The following MACROD2 variants were observed in gnomAD, a reference collection of about 807,000 sequenced individuals.
MACROD2 encodes the protein ADP-ribose glycohydrolase MACROD2.
In MACROD2, 36 loss-of-function variants were observed where a neutral mutation model predicts 70.4. That is an observed-to-expected ratio of 0.51 (90% CI 0.39 to 0.68). The LOEUF is 0.68. MACROD2 is among the 30% of genes least tolerant of loss of function. MACROD2 has a pLI of 0.00. For missense variants in MACROD2, 496 were observed against 538.4 expected, an observed-to-expected ratio of 0.92 and a Z score of 0.78; for synonymous variants, 172 against 178.8, an observed-to-expected ratio of 0.96 and a Z score of 0.30.
chr20:14,760,878 G>A (rs189521522), intron 5 of MACROD2, among the ~76,000 whole-genome samples: 26 of 152,120 alleles, frequency 1.7e-4, no homozygotes, highest in African/African-American at 5.3e-4. Context: ...ATTCGTCAAC[G>A]TTACTGAAAC....
At chr20:15,632,777 T>C (rs111547184) in intron 8 of MACROD2, among the ~76,000 whole-genome samples, 4,612 of 152,168 alleles carry the variant, frequency 0.03, 236 homozygotes, top group African/African-American at 0.1. Context: ...CTGCCTACTT[T>C]CCGTTCTCCT....
intron 8 of MACROD2, among the ~76,000 whole-genome samples, chr20:15,698,544 A>T (rs1003548745): frequency 6.6e-6 from 1 of 152,130 alleles, no homozygotes; most frequent in Non-Finnish European, 1.5e-5. Context: ...CCTGATGACA[A>T]TGTGCCTAGG....
chr20:14,927,840 A>G lies in MACROD2; in HGVS notation c.418+242881A>G, dbSNP rs185785708. On this transcript the variant is annotated intron_variant, in intron 5 of 17. Coordinates refer to ENST00000684519, the MANE Select transcript of MACROD2 (RefSeq NM_001351661.2). ...AAGCTTATTACTATATGTAAAAAAC[A>G]ACAACGACAAAAACTATTGCTTTTT... 2.1e-3 allele frequency among the ~76,000 whole-genome samples: 326 copies of G among 152,328 alleles called. 13 individuals are homozygous for G. Among genetic ancestry groups the G allele is most frequent in the Admixed American group, 0.02 (313 of 15,296 alleles).
Position 14,239,284 on chromosome 20 carries a change from C to T in MACROD2, c.271+153556C>T, listed in dbSNP as rs116453133. Among the ~76,000 whole-genome samples the T allele has an allele frequency of 7.3e-3, 1,109 of 152,242 alleles. 15 individuals are homozygous for T. Among genetic ancestry groups the T allele is most frequent in the African/African-American group, 0.025 (1,022 of 41,556 alleles). ...GGATAGGAAGAATCAATATTGTTAACATGGCTGTACTGCCCAAAGCAATTT... is the reference window on the plus strand; with the variant it reads ...GGATAGGAAGAATCAATATTGTTAATATGGCTGTACTGCCCAAAGCAATTT... On this transcript the variant is annotated intron_variant, in intron 3 of 17. Transcript: ENST00000684519.
chr20:15,978,254 C>T (rs986913690), intron 13 of MACROD2, among the ~76,000 whole-genome samples: 6 of 152,134 alleles, frequency 3.9e-5, no homozygotes, highest in African/African-American at 7.2e-5. Context: ...TCCCCAAAAA[C>T]AATGCAGCTG....
intron 5 of MACROD2, among the ~76,000 whole-genome samples, chr20:14,726,313 T>G (rs890953325): frequency 6.6e-6 from 1 of 152,180 alleles, no homozygotes; most frequent in Non-Finnish European, 1.5e-5. Context: ...TACCATACAG[T>G]ACCTTGAAAT....
intron 3 of MACROD2, among the ~76,000 whole-genome samples, chr20:14,455,697 C>G (rs1340632203): frequency 6.6e-6 from 1 of 151,572 alleles, no homozygotes; most frequent in African/African-American, 2.4e-5. Flanking sequence ...GTCTATGAAC[C>G]AACATCATTA....
chr20:14,069,175 G>A (rs2053806962), intron 2 of MACROD2, among the ~76,000 whole-genome samples: 1 of 152,236 alleles, frequency 6.6e-6, no homozygotes, highest in African/African-American at 2.4e-5. Context: ...TCAAACTCCT[G>A]ACTTCAAGTG....
chr20:16,017,402 A>T (rs1002709683), intron 15 of MACROD2, among the ~76,000 whole-genome samples: 1 of 152,198 alleles, frequency 6.6e-6, no homozygotes, highest in African/African-American at 2.4e-5. Context: ...GATTGATTGA[A>T]CCATACTTAC....
At chr20:15,484,271 A>G (rs1199971824) in intron 7 of MACROD2, among the ~76,000 whole-genome samples, 3 of 151,900 alleles carry the variant, frequency 2.0e-5, no homozygotes, top group Admixed American at 1.3e-4. Context: ...TACGTAGAAG[A>G]AAAAAAAGAA....
chr20:15,558,624 C>A (rs2048200377), intron 8 of MACROD2, among the ~76,000 whole-genome samples: 1 of 152,114 alleles, frequency 6.6e-6, no homozygotes, highest in African/African-American at 2.4e-5. Flanking sequence ...TATTTTTCCC[C>A]CTTTCCCTTA....
At chr20:14,272,496 A>G (rs1312240440) in intron 3 of MACROD2, among the ~76,000 whole-genome samples, 4 of 152,218 alleles carry the variant, frequency 2.6e-5, no homozygotes, top group East Asian at 1.9e-4. Flanking sequence ...TGAAGGAAGC[A>G]CTAAACATGG....
At chr20:14,002,239 C>G (rs759501332) in intron 1 of MACROD2, 49 bp from the exon 2 acceptor site, 7 of 1,222,490 alleles carry the variant, frequency 5.7e-6, no homozygotes, top group Non-Finnish European at 8.1e-6. Flanking sequence ...AAATAATTCC[C>G]ATGTTTAAAC....
chr20:15,174,781 T>C (rs1390537799), intron 5 of MACROD2, among the ~76,000 whole-genome samples: 3 of 152,354 alleles, frequency 2.0e-5, no homozygotes, highest in Admixed American at 6.5e-5. Flanking sequence ...TTCATGTGTT[T>C]TTTTGGCTGC....
intron 5 of MACROD2, among the ~76,000 whole-genome samples, chr20:15,208,952 A>G (rs175259): frequency 0.49 from 74,313 of 151,796 alleles, 18,495 homozygotes; most frequent in African/African-American, 0.54. Context: ...CGGTACAGTG[A>G]GGTGCAGGTA....
At position 14,431,212 on chromosome 20, in the gene MACROD2, T is replaced by C. The variant is rs565080849; in HGVS notation, c.272-62267T>C. On this transcript the variant is annotated intron_variant, in intron 3 of 17. Coordinates refer to ENST00000684519, the MANE Select transcript of MACROD2 (RefSeq NM_001351661.2). ...ATAATAGCAATTAACATTTGAGTGA[T>C]AATTATATTTCCAGGTCCTTATTGT... Among the ~76,000 whole-genome samples the C allele has an allele frequency of 5.0e-4, 76 of 152,258 alleles. 1 individual carries two copies. In the South Asian group the frequency reaches 0.015, roughly 30 times the overall value.
chr20:15,351,905 C>T (rs1261172846), intron 6 of MACROD2, among the ~76,000 whole-genome samples: 1 of 152,180 alleles, frequency 6.6e-6, no homozygotes, highest in Admixed American at 6.6e-5. Flanking sequence ...TCTCAAATAA[C>T]ATGTGGCTTC....
At chr20:15,824,879 G>A (rs1435784404) in intron 8 of MACROD2, among the ~76,000 whole-genome samples, 2 of 151,356 alleles carry the variant, frequency 1.3e-5, no homozygotes, top group East Asian at 3.8e-4. Flanking sequence ...TGTTGATTTA[G>A]TGAAGGAATA....
At chr20:14,555,942 G>C (rs894537145) in intron 4 of MACROD2, among the ~76,000 whole-genome samples, 2 of 151,986 alleles carry the variant, frequency 1.3e-5, no homozygotes, top group African/African-American at 2.4e-5. Context: ...CTTCTACTCA[G>C]CTGTTGCTTG....
Sources: allele counts gnomAD v4.1 joint callset (sites outside exome capture counted in the v4.1 genomes callset), GRCh38; gene constraint gnomAD v4.1.1; transcripts MANE v1.5; gene names NCBI Gene and HGNC (gene_info 2026-07-23, HGNC 2026-07-21).